SLC44A5: variants seen among roughly 807,000 people sequenced by gnomAD.
SLC44A5 encodes the protein choline transporter-like protein 5.
In SLC44A5, 57 loss-of-function variants were observed where a neutral mutation model predicts 101.8. The ratio of observed to expected loss-of-function variants is 0.56; its 90% CI spans 0.45 to 0.70. The LOEUF (loss-of-function observed/expected upper bound fraction) is 0.70, where lower values mean the gene tolerates loss of function less well. SLC44A5 is among the 30% of genes least tolerant of loss of function. The pLI is 0.00. For synonymous variants in SLC44A5, 281 were observed against 290.9 expected, an observed-to-expected ratio of 0.97 and a Z score of 0.35; for missense variants, 737 against 853.1, an observed-to-expected ratio of 0.86 and a Z score of 1.70.
chr1:75,500,271 A>G (rs1264306526), intron 2 of SLC44A5, among the ~76,000 whole-genome samples: 2 of 152,234 alleles, frequency 1.3e-5, no homozygotes, highest in Non-Finnish European at 2.9e-5. Context: ...GACTACTGCT[A>G]TGAGAAAAAT....
chr1:75,684,658 A>G, the SLC44A5 span, among the ~76,000 whole-genome samples: 1 of 152,208 alleles, frequency 6.6e-6, no homozygotes, highest in East Asian at 1.9e-4. Flanking sequence ...TCTCACATCC[A>G]TGTCACACTG....
chr1:75,356,479 T>C (rs970841941), intron 3 of SLC44A5, among the ~76,000 whole-genome samples: 1 of 151,958 alleles, frequency 6.6e-6, no homozygotes, highest in South Asian at 2.1e-4. Context: ...AAGAAAATTT[T>C]TTTGTACAGC....
chr1:75,408,231 T>A (rs536572133), intron 2 of SLC44A5, among the ~76,000 whole-genome samples: 1 of 152,256 alleles, frequency 6.6e-6, no homozygotes, highest in African/African-American at 2.4e-5. Flanking sequence ...AGAGAGGATG[T>A]GGAGAAATAA....
At chr1:75,634,325 A>G in the SLC44A5 span, among the ~76,000 whole-genome samples, 1 of 152,134 alleles carries the variant, frequency 6.6e-6, no homozygotes, top group African/African-American at 2.4e-5. Context: ...CCTCTGGTAG[A>G]ATTCGGCTGT....
At chr1:75,323,554 G>C (rs928405419) in intron 4 of SLC44A5, among the ~76,000 whole-genome samples, 3 of 152,280 alleles carry the variant, frequency 2.0e-5, no homozygotes, top group East Asian at 1.9e-4. Context: ...GGTTGAACTA[G>C]TTTACAGTCC....
At chr1:75,225,838 C>CA (rs1037895001) in intron 13 of SLC44A5, among the ~76,000 whole-genome samples, 1 of 152,140 alleles carries the variant, frequency 6.6e-6, no homozygotes, top group African/African-American at 2.4e-5. Context: ...CCTAAAGGTA[C>CA]ATCTCTTTAC....
chr1:75,365,256 A>C (rs778886769), intron 3 of SLC44A5, among the ~76,000 whole-genome samples: 1 of 152,144 alleles, frequency 6.6e-6, no homozygotes, highest in Non-Finnish European at 1.5e-5. Flanking sequence ...TGTACAGATT[A>C]TTTCATCGGC....
chr1:75,417,005 C>T (rs751590203), intron 2 of SLC44A5, among the ~76,000 whole-genome samples: 97 of 152,148 alleles, frequency 6.4e-4, no homozygotes, highest in Admixed American at 1.2e-3. Context: ...TGAGTTGAAA[C>T]GAGTTGAGAC....
intron 3 of SLC44A5, among the ~76,000 whole-genome samples, chr1:75,383,499 T>A (rs1309677762): frequency 6.6e-6 from 1 of 151,724 alleles, no homozygotes; most frequent in Non-Finnish European, 1.5e-5. Flanking sequence ...GAAGGGAAGT[T>A]TAGAGAAAAA....
intron 6 of SLC44A5, among the ~76,000 whole-genome samples, chr1:75,255,679 T>C (rs572042356): frequency 6.6e-6 from 1 of 152,218 alleles, no homozygotes; most frequent in African/African-American, 2.4e-5. Context: ...ATTAAAGGAC[T>C]TACTAAGGAC....
chr1:75,426,303 T>C lies in SLC44A5; in HGVS notation c.14-29682A>G, dbSNP rs144333179. ...ATTCCTGATCTCTCCTAACACAAAA[T>C]CATTCCAGGTGTTCTTTTAGGAAGT... is the stretch of plus-strand genomic sequence containing the variant. On this transcript the variant is annotated intron_variant, in intron 2 of 23. Transcript: ENST00000370859. Among the ~76,000 whole-genome samples the C allele has an allele frequency of 1.8e-4, 28 of 152,250 alleles. No homozygotes were observed. In the East Asian group the frequency reaches 5.2e-3, roughly 28 times the overall value.
intron 2 of SLC44A5, among the ~76,000 whole-genome samples, chr1:75,525,726 T>C (rs1479796682): frequency 6.6e-6 from 1 of 152,286 alleles, no homozygotes; most frequent in African/African-American, 2.4e-5. Context: ...GGGTATAATA[T>C]GAATATAAAA....
chr1:75,357,079 T>C, intron 3 of SLC44A5: 1 of 413,282 alleles, frequency 2.4e-6, no homozygotes, highest in East Asian at 7.3e-5. Flanking sequence ...TTTTCTCAAC[T>C]CTTCTCCTAA....
chr1:75,239,237 T>G (rs1455241122), intron 9 of SLC44A5, among the ~76,000 whole-genome samples: 3 of 152,120 alleles, frequency 2.0e-5, no homozygotes, highest in African/African-American at 7.2e-5. Context: ...GCCTACACTT[T>G]GTAGACTGGT....
At chr1:75,490,243 A>G (rs780070985) in intron 2 of SLC44A5, among the ~76,000 whole-genome samples, 3 of 152,148 alleles carry the variant, frequency 2.0e-5, no homozygotes, top group Non-Finnish European at 4.4e-5. Context: ...ATGAAGAATC[A>G]TTATCATTTA....
chr1:75,298,446 A>G (rs1654142133), intron 5 of SLC44A5, among the ~76,000 whole-genome samples: 2 of 152,310 alleles, frequency 1.3e-5, no homozygotes, highest in South Asian at 4.1e-4. Flanking sequence ...GAATTAAGAC[A>G]TTTACAAACT....
At chr1:75,283,187 A>C (rs1409986575) in intron 5 of SLC44A5, among the ~76,000 whole-genome samples, 2 of 150,774 alleles carry the variant, frequency 1.3e-5, no homozygotes, top group East Asian at 3.9e-4. Flanking sequence ...TATTATGGCC[A>C]TTCTTGCAGG....
chr1:75,655,706 G>C, the SLC44A5 span, among the ~76,000 whole-genome samples: 1 of 152,084 alleles, frequency 6.6e-6, no homozygotes, highest in Non-Finnish European at 1.5e-5. Context: ...TTGCAACCAG[G>C]TACCAGCCCA....
intron 2 of SLC44A5, among the ~76,000 whole-genome samples, chr1:75,445,482 A>G (rs1380462074): frequency 1.6e-5 from 2 of 127,238 alleles, no homozygotes; most frequent in Admixed American, 9.0e-5. Context: ...AATCCTTACT[A>G]TATAAAATAT....
Sources: allele counts gnomAD v4.1 joint callset (sites outside exome capture counted in the v4.1 genomes callset), GRCh38; gene constraint gnomAD v4.1.1; transcripts MANE v1.5; gene names NCBI Gene and HGNC (gene_info 2026-07-23, HGNC 2026-07-21).